The following SOX5 variants were observed in gnomAD, a reference collection of about 807,000 sequenced individuals.
SOX5 encodes SRY-box transcription factor 5.
In SOX5, 9 loss-of-function variants were observed where a neutral mutation model predicts 92.0. That is an observed-to-expected ratio of 0.10 (90% CI 0.06 to 0.17). SOX5 has a LOEUF of 0.17. Among genes scored for constraint, SOX5 ranks in the 10% least tolerant of loss-of-function variants. SOX5 has a pLI of 1.00. For missense variants in SOX5, 642 were observed against 944.5 expected (o/e 0.68, Z 4.20); for synonymous variants, 344 against 336.3 (o/e 1.02, Z -0.25).
chr12:23,601,883 A>G (rs1474983844), intron 9 of SOX5, among the ~76,000 whole-genome samples: 9 of 152,174 alleles, frequency 5.9e-5, no homozygotes, highest in African/African-American at 2.2e-4. Flanking sequence ...TTTTCTGACA[A>G]TAAGAGTGGT....
At chr12:24,516,253 A>ACC (rs908825241) in intron 1 of SOX5, among the ~76,000 whole-genome samples, 6 of 151,642 alleles carry the variant, frequency 4.0e-5, no homozygotes, top group African/African-American at 1.2e-4. Flanking sequence ...TCACCATGTT[A>ACC]CCCCAGCTGG....
At chr12:24,063,360 G>C (rs954052149) in intron 4 of SOX5, among the ~76,000 whole-genome samples, 2 of 152,136 alleles carry the variant, frequency 1.3e-5, no homozygotes, top group African/African-American at 4.8e-5. Context: ...ACAACAATCA[G>C]ACATAGTGAT....
chr12:23,778,298 A>G (rs1040281566), intron 3 of SOX5, among the ~76,000 whole-genome samples: 6 of 152,230 alleles, frequency 3.9e-5, no homozygotes, highest in African/African-American at 1.4e-4. Flanking sequence ...TTTTCTAAAA[A>G]ACATTTAGAC....
At chr12:24,494,519 T>C (rs1474750117) in intron 1 of SOX5, among the ~76,000 whole-genome samples, 8 of 152,104 alleles carry the variant, frequency 5.3e-5, no homozygotes, top group Non-Finnish European at 1.2e-4. Flanking sequence ...TATGGAAAGG[T>C]TACAAAACTT....
intron 3 of SOX5, among the ~76,000 whole-genome samples, chr12:23,803,555 A>G (rs949580687): frequency 1.1e-4 from 16 of 152,182 alleles, no homozygotes; most frequent in African/African-American, 2.4e-4. Context: ...CCTTTGATCC[A>G]TAACTCTTTT....
intron 4 of SOX5, among the ~76,000 whole-genome samples, chr12:23,746,974 G>A (rs1386907923): frequency 6.6e-6 from 1 of 152,066 alleles, no homozygotes; most frequent in Non-Finnish European, 1.5e-5. Context: ...CTGCCGCCAT[G>A]TTTAGTGCCT....
chr12:23,571,480 TC>T (rs1049125875), intron 10 of SOX5, among the ~76,000 whole-genome samples: 1 of 152,152 alleles, frequency 6.6e-6, no homozygotes, highest in Non-Finnish European at 1.5e-5. Flanking sequence ...CTGCTTATCC[TC>T]CAGACTAAGC....
intron 3 of SOX5, among the ~76,000 whole-genome samples, chr12:24,260,293 T>C (rs1262547608): frequency 6.6e-6 from 1 of 152,208 alleles, no homozygotes; most frequent in Admixed American, 6.5e-5. Flanking sequence ...CTGAGTTATA[T>C]GGGAATAGAG....
chr12:24,535,472 G>C (rs1012738076), intron 1 of SOX5, among the ~76,000 whole-genome samples: 2 of 152,134 alleles, frequency 1.3e-5, no homozygotes, highest in Non-Finnish European at 2.9e-5. Context: ...GTTACCAAGC[G>C]ATCTGAAAAG....
At chr12:24,397,094 G>A (rs1351655708) in intron 1 of SOX5, among the ~76,000 whole-genome samples, 1 of 152,156 alleles carries the variant, frequency 6.6e-6, no homozygotes, top group Non-Finnish European at 1.5e-5. Flanking sequence ...AATTTGAGGT[G>A]CGTGTTTAGA....
In SOX5 at chr12:23,767,215, A is replaced by AACAC. The variant is rs35485466; in HGVS notation, c.482-11495_482-11492dup. Among the ~76,000 whole-genome samples, 562 of 137,882 alleles carry AACAC rather than the reference A, an allele frequency of 4.1e-3. 7 individuals carry two copies. Among genetic ancestry groups the AACAC allele is most frequent in the African/African-American group, 0.013 (511 of 38,976 alleles). 90.5% of individuals were successfully genotyped at this position (137,882 alleles called of 152,430 possible). On this transcript the variant is annotated intron_variant, in intron 3 of 14. Transcript: ENST00000451604. The stretch of plus-strand genomic sequence containing the variant: ...ATGGACCTTGTCTCAAAAAAACAGA[A>AACAC]ACACACACACACACACACACACACA...
chr12:24,050,759 GA>G (rs781373174), intron 4 of SOX5, among the ~76,000 whole-genome samples: 2 of 152,150 alleles, frequency 1.3e-5, no homozygotes, highest in Non-Finnish European at 2.9e-5. Flanking sequence ...TACCTTTTAT[GA>G]TTGTTATGAG....
At chr12:23,832,193 G>A (rs2096337524) in intron 3 of SOX5, among the ~76,000 whole-genome samples, 1 of 151,748 alleles carries the variant, frequency 6.6e-6, no homozygotes, top group Non-Finnish European at 1.5e-5. Flanking sequence ...GCCCCTCCTG[G>A]TTTCACACTG....
In SOX5 at chr12:23,562,536, G is replaced by A. The variant is rs190963467; in HGVS notation, c.1488+722C>T. Among the ~76,000 whole-genome samples, 12 of 152,144 alleles carry A rather than the reference G, an allele frequency of 7.9e-5. No homozygotes were observed. The East Asian group carries it at 1.4e-3, about 17-fold the overall frequency. On this transcript the variant is annotated intron_variant, in intron 11 of 14. Coordinates refer to ENST00000451604, the MANE Select transcript of SOX5 (RefSeq NM_006940.6). ...ATTTATCTAGAGGATTCTGTAAAGC[G>A]CACTGGGTAACATTTTAAAATTTCA...
intron 1 of SOX5, among the ~76,000 whole-genome samples, chr12:24,431,697 C>T (rs901076892): frequency 6.6e-6 from 1 of 152,144 alleles, no homozygotes. Flanking sequence ...TACCAGTGAG[C>T]ACATTTCTTA....
Position 24,118,040 on chromosome 12 carries a change from A to AG in SOX5, c.-2+95302_-2+95303insC, listed in dbSNP as rs1161514977. ...ATTCAAAAAAAAAAAAAAAAAAAAG[A>AG]AAAAAAAAATCTGTCTCACAGAAAC... On this transcript the variant is annotated intron_variant, in intron 4 of 4. Coordinates refer to the SOX5 transcript ENST00000446891. 1.3e-3 allele frequency among the ~76,000 whole-genome samples: 168 copies of AG among 130,032 alleles called. 1 individual carries two copies. Among genetic ancestry groups the AG allele is most frequent in the African/African-American group, 4.8e-3 (161 of 33,238 alleles). The allele number at this position is 130,032 out of a possible 152,430, so 85.3% of individuals were successfully genotyped here. A position where few individuals can be genotyped will look rare whatever the true frequency, so the allele number is the denominator to read the frequency against.
intron 1 of SOX5, among the ~76,000 whole-genome samples, chr12:23,935,142 T>C (rs1239194030): frequency 6.6e-6 from 1 of 151,216 alleles, no homozygotes; most frequent in Non-Finnish European, 1.5e-5. Flanking sequence ...TTCATTTCCA[T>C]TCCCCAATGC....
At chr12:24,493,692 G>A (rs541430259) in intron 1 of SOX5, among the ~76,000 whole-genome samples, 24 of 151,960 alleles carry the variant, frequency 1.6e-4, no homozygotes, top group Admixed American at 5.2e-4. Context: ...GTGAAACCCC[G>A]TCTCTACTAA....
intron 1 of SOX5, among the ~76,000 whole-genome samples, chr12:24,490,891 G>A (rs74068373): frequency 0.011 from 1,618 of 151,874 alleles, 20 homozygotes; most frequent in African/African-American, 0.036. Context: ...AAAACACATG[G>A]CTAAAAAATG....
Sources: gnomAD v4.1 joint callset for allele counts (sites outside exome capture counted in the v4.1 genomes callset) on GRCh38, gnomAD v4.1.1 for gene constraint, MANE v1.5 for transcripts, NCBI Gene and HGNC (gene_info 2026-07-23, HGNC 2026-07-21) for gene names.